The following LCLAT1 variants were observed in gnomAD, a reference collection of about 807,000 sequenced individuals.
The protein encoded by LCLAT1 is lysocardiolipin acyltransferase 1.
A neutral mutation model predicts 30.7 loss-of-function variants in LCLAT1; 11 were observed. The observed-to-expected ratio is 0.36, with a 90% CI of 0.23 to 0.59. The LOEUF is 0.59. Among genes scored for constraint, LCLAT1 ranks in the 20% least tolerant of loss-of-function variants. The pLI is 0.77. For missense variants in LCLAT1, 402 were observed against 458.6 expected (o/e 0.88, Z 1.13); for synonymous variants, 155 against 151.3 (o/e 1.02, Z -0.18).
intron 3 of LCLAT1, among the ~76,000 whole-genome samples, chr2:30,559,306 A>G (rs568003097): frequency 1.3e-5 from 2 of 152,306 alleles, no homozygotes; most frequent in East Asian, 1.9e-4. Context: ...CTCTCTACCT[A>G]TATATACTTA....
At chr2:30,519,013 C>T (rs959422276) in intron 1 of LCLAT1, among the ~76,000 whole-genome samples, 2 of 152,228 alleles carry the variant, frequency 1.3e-5, no homozygotes, top group Non-Finnish European at 2.9e-5. Flanking sequence ...AGTTCCTCGC[C>T]ACCTGTGGCT....
chr2:30,519,946 C>T (rs775917477), intron 1 of LCLAT1, among the ~76,000 whole-genome samples: 19 of 152,314 alleles, frequency 1.2e-4, no homozygotes, highest in East Asian at 1.9e-4. Flanking sequence ...GATCTGGCAC[C>T]GTGTCCGCTG....
chr2:30,585,215 T>C (rs543336158), intron 5 of LCLAT1, among the ~76,000 whole-genome samples: 1 of 152,262 alleles, frequency 6.6e-6, no homozygotes, highest in South Asian at 2.1e-4. Flanking sequence ...CATTTTCTCA[T>C]ATCTCACTAC....
intron 2 of LCLAT1, among the ~76,000 whole-genome samples, chr2:30,532,858 T>G (rs1341740735): frequency 6.6e-6 from 1 of 152,168 alleles, no homozygotes; most frequent in African/African-American, 2.4e-5. Flanking sequence ...ACTTTTTGCT[T>G]AATAAGATAT....
chr2:30,621,141 T>C (rs1333645362), intron 5 of LCLAT1, among the ~76,000 whole-genome samples: 1 of 152,196 alleles, frequency 6.6e-6, no homozygotes, highest in Admixed American at 6.5e-5. Context: ...TATTTACCCC[T>C]CATGTATTGT....
At chr2:30,568,584 T>C (rs1351442227) in intron 5 of LCLAT1, among the ~76,000 whole-genome samples, 1 of 146,932 alleles carries the variant, frequency 6.8e-6, no homozygotes. Context: ...CTCGGCTCAC[T>C]GCAAGCTCTG....
At chr2:30,560,422 T>C (rs1210545758) in intron 3 of LCLAT1, among the ~76,000 whole-genome samples, 1 of 152,062 alleles carries the variant, frequency 6.6e-6, no homozygotes, top group Non-Finnish European at 1.5e-5. Flanking sequence ...CACTGCACCC[T>C]CTGCCTCCCA....
rs1182943270 is a variant in LCLAT1 at position 30,643,123 on chromosome 2, A to ACCTCAC, written c.*2505_*2506insCTCACC. 1.1e-4 allele frequency: 4 copies of ACCTCAC among 34,858 alleles called. 1 individual carries two copies. The highest frequency in any genetic ancestry group is 7.1e-4 in the African/African-American group (4 of 5,672). 2.2% of individuals were successfully genotyped at this position (34,858 alleles called of 1,614,324 possible). ...CTTCCACACCTGCCCACCTCACCTC[A>ACCTCAC]CTGCACCGCACCGCACCAGAGCCAG... is the stretch of plus-strand genomic sequence containing the variant. On this transcript the variant is annotated 3_prime_UTR_variant, in exon 6 of 6. Coordinates refer to ENST00000379509, the MANE Select transcript of LCLAT1 (RefSeq NM_001002257.3).
rs181671742 is a variant in LCLAT1, at chr2:30,522,019, G to A, written c.-4-3568G>A. Among the ~76,000 whole-genome samples, 19 of 152,270 alleles carry A rather than the reference G, an allele frequency of 1.2e-4. No individual in the cohort carries two copies. In the East Asian group the frequency reaches 3.3e-3, roughly 26 times the overall value. On this transcript the variant is annotated intron_variant, in intron 1 of 5. Transcript: ENST00000379509. Reference sequence around the variant, plus strand: ...ACATTTGAGATTAACTCAACATGTTGCATGGATCAGTAGTTTGTCGTTATT... The same window carrying A: ...ACATTTGAGATTAACTCAACATGTTACATGGATCAGTAGTTTGTCGTTATT...
chr2:30,584,169 G>C (rs575237979), intron 5 of LCLAT1, among the ~76,000 whole-genome samples: 1 of 152,260 alleles, frequency 6.6e-6, no homozygotes, highest in East Asian at 1.9e-4. Flanking sequence ...GATCCCGTCA[G>C]CCAAACTGGT....
intron 5 of LCLAT1, among the ~76,000 whole-genome samples, chr2:30,620,449 A>C (rs186128786): frequency 1.6e-3 from 241 of 152,320 alleles, no homozygotes; most frequent in Middle Eastern, 6.8e-3. Context: ...AGATCTCTGT[A>C]GTTTGTAGTA....
chr2:30,491,592 A>G (rs1392387205), intron 1 of LCLAT1, among the ~76,000 whole-genome samples: 1 of 152,222 alleles, frequency 6.6e-6, no homozygotes, highest in Non-Finnish European at 1.5e-5. Context: ...TAGTATGTGC[A>G]TAGATAACCC....
chr2:30,578,797 G>A (rs903430104), intron 5 of LCLAT1, among the ~76,000 whole-genome samples: 4 of 152,108 alleles, frequency 2.6e-5, no homozygotes, highest in East Asian at 1.9e-4. Context: ...GTAATCCATA[G>A]TGCCTAAAAA....
At chr2:30,496,164 C>T (rs112166937) in intron 1 of LCLAT1, among the ~76,000 whole-genome samples, 3,605 of 152,180 alleles carry the variant, frequency 0.024, 129 homozygotes, top group African/African-American at 0.082. Flanking sequence ...AGAACTTACT[C>T]ACTATTATGA....
intron 3 of LCLAT1, among the ~76,000 whole-genome samples, chr2:30,542,237 T>G (rs1278372455): frequency 6.6e-6 from 1 of 152,134 alleles, no homozygotes; most frequent in African/African-American, 2.4e-5. Context: ...TTTTAAACCA[T>G]TTCTTCTTAT....
chr2:30,528,995 A>G (rs1479103116), intron 2 of LCLAT1, among the ~76,000 whole-genome samples: 1 of 152,216 alleles, frequency 6.6e-6, no homozygotes, highest in Non-Finnish European at 1.5e-5. Flanking sequence ...TCATACTCGT[A>G]CAAGGAGCTA....
chr2:30,479,768 C>T (rs991196107), intron 1 of LCLAT1, among the ~76,000 whole-genome samples: 2 of 152,218 alleles, frequency 1.3e-5, no homozygotes, highest in Admixed American at 6.5e-5. Context: ...TTACTGAACA[C>T]TACAGTTTTA....
intron 1 of LCLAT1, among the ~76,000 whole-genome samples, chr2:30,501,118 GTGTAGT>G (rs1684365765): frequency 6.6e-6 from 1 of 151,316 alleles, no homozygotes; most frequent in East Asian, 1.9e-4. Context: ...GTGTGTGTGT[GTGTAGT>G]TACATTTCTT....
chr2:30,617,617 G>T (rs951826669), intron 5 of LCLAT1, among the ~76,000 whole-genome samples: 2 of 151,978 alleles, frequency 1.3e-5, no homozygotes, highest in African/African-American at 2.4e-5. Context: ...ATTATTTGAG[G>T]GTTCCAGTTG....
Sources: allele counts gnomAD v4.1 joint callset (sites outside exome capture counted in the v4.1 genomes callset), GRCh38; gene constraint gnomAD v4.1.1; transcripts MANE v1.5; gene names NCBI Gene and HGNC (gene_info 2026-07-23, HGNC 2026-07-21).